Variants in SLC35F2 observed in about 807,000 individuals in gnomAD.
SLC35F2 encodes queuine/queuosine transporter SLC35F2.
Under a neutral mutation model 38.1 loss-of-function variants are expected in SLC35F2, and 25 were observed. The observed-to-expected ratio is 0.66, with a 90% CI of 0.48 to 0.92. The LOEUF (loss-of-function observed/expected upper bound fraction) is 0.92, where lower values mean the gene tolerates loss of function less well. Among genes scored for constraint, SLC35F2 ranks in the 40% least tolerant of loss-of-function variants. The pLI, the probability that SLC35F2 is intolerant of heterozygous loss-of-function variation, is 0.00. For missense variants in SLC35F2, 409 were observed against 452.9 expected (o/e 0.90, Z 0.88); for synonymous variants, 173 against 181.7 (o/e 0.95, Z 0.38).
chr11:107,826,460 T>C lies in SLC35F2; in HGVS notation c.111-10495A>G, dbSNP rs578186668. On this transcript the variant is annotated intron_variant, in intron 1 of 7. Coordinates refer to ENST00000525815, the MANE Select transcript of SLC35F2 (RefSeq NM_017515.5). ...GGTTTCTCCATGTTGGTCAGGCTGGTCTCGAACTCCTGACCTCAGGTGATC... is the reference window on the plus strand; with the variant it reads ...GGTTTCTCCATGTTGGTCAGGCTGGCCTCGAACTCCTGACCTCAGGTGATC... Among the ~76,000 whole-genome samples the C allele has an allele frequency of 2.0e-5, 3 of 152,258 alleles. No homozygotes were observed. The East Asian group carries it at 5.8e-4, about 29-fold the overall frequency.
chr11:107,792,918 TTTC>T, intron 7 of SLC35F2, 118 bp from the exon 8 acceptor site: 2 of 1,354,182 alleles, frequency 1.5e-6, no homozygotes, highest in Admixed American at 7.5e-5. Flanking sequence ...TCTTTCTTTC[TTTC>T]TTTCTTTCTT....
chr11:107,855,961 C>T (rs1318667524), intron 1 of SLC35F2, among the ~76,000 whole-genome samples: 3 of 151,132 alleles, frequency 2.0e-5, no homozygotes, highest in Admixed American at 6.6e-5. Context: ...AAAAATTAGC[C>T]GGGCATGGTG....
At chr11:107,820,481 T>C (rs1565433924) in intron 1 of SLC35F2, among the ~76,000 whole-genome samples, 1 of 152,080 alleles carries the variant, frequency 6.6e-6, no homozygotes, top group African/African-American at 2.4e-5. Context: ...CCAAATTTCC[T>C]GGCCATTAAA....
chr11:107,843,865 AAAAAT>A (rs1357076863), intron 1 of SLC35F2, among the ~76,000 whole-genome samples: 4 of 35,352 alleles, frequency 1.1e-4, no homozygotes, highest in South Asian at 1.2e-3. Flanking sequence ...AAAAAAAAAA[AAAAAT>A]ATATATATAT....
In SLC35F2 at chr11:107,815,835, AATAATTG is replaced by A; in HGVS notation, c.234_240del (p.Asn79AlafsTer5). ...ACTGTATAAATTAGGAACAGCAAGCAATAATTGATAAAGCTCTGAAGCATGGGGGTGT... is the reference window on the plus strand; with the variant it reads ...ACTGTATAAATTAGGAACAGCAAGCAATAAAGCTCTGAAGCATGGGGGTGT... On this transcript the variant is annotated frameshift_variant, in exon 2 of 8. Coordinates refer to ENST00000525815, the MANE Select transcript of SLC35F2 (RefSeq NM_017515.5). LOFTEE classifies it high-confidence loss of function. The A allele has an allele frequency of 6.2e-7, 1 of 1,613,854 alleles. No homozygotes were observed. Among genetic ancestry groups the A allele is most frequent in the Non-Finnish European group, 8.5e-7 (1 of 1,179,960 alleles).
Position 107,858,693 on chromosome 11 carries a change from G to T in SLC35F2, c.75C>A (p.Ser25Arg). The change falls in exon 1 of 8, where the codon AGC (serine) becomes AGA (arginine). Residue 25 changes from serine (S) to arginine (R), a missense_variant. Physicochemically the swap from Ser to Arg is moderately radical, Grantham distance 110. Transcript: ENST00000525815. ...LAEGAAAEFS[S>R]LLRRIKGKLF... ...GTTTGCCTTTTATCCTGCGCAGCAG[G>T]CTGGAGAACTCGGCCGCCGCTCCCT... 1 of 1,301,988 alleles carries T rather than the reference G, an allele frequency of 7.7e-7. No individual in the cohort carries two copies. The highest frequency in any genetic ancestry group is 9.8e-7 in the Non-Finnish European group (1 of 1,017,202). The allele number at this position is 1,301,988 out of a possible 1,614,324, so 80.7% of individuals were successfully genotyped here.
intron 1 of SLC35F2, among the ~76,000 whole-genome samples, chr11:107,844,157 CAGTG>C (rs1375775154): frequency 6.6e-6 from 1 of 152,020 alleles, no homozygotes; most frequent in Non-Finnish European, 1.5e-5. Flanking sequence ...CAGAAAGGTA[CAGTG>C]AGTAAGAGCA....
At chr11:107,829,677 C>CAAAAAAAAA in intron 1 of SLC35F2, among the ~76,000 whole-genome samples, 1 of 87,304 alleles carries the variant, frequency 1.1e-5, no homozygotes, top group Non-Finnish European at 2.6e-5. Flanking sequence ...TGAAATCTCA[C>CAAAAAAAAA]AAAAAAAAAA....
chr11:107,835,398 C>T (rs777962504), intron 1 of SLC35F2, among the ~76,000 whole-genome samples: 11 of 151,674 alleles, frequency 7.3e-5, no homozygotes, highest in South Asian at 4.2e-4. Context: ...GGAAATAGTC[C>T]GAACCTGGAA....
chr11:107,853,308 T>G (rs1860218445), intron 1 of SLC35F2, among the ~76,000 whole-genome samples: 1 of 152,164 alleles, frequency 6.6e-6, no homozygotes, highest in Non-Finnish European at 1.5e-5. Flanking sequence ...ATCATAACTT[T>G]TTATCATAAT....
chr11:107,805,577 C>G, intron 4 of SLC35F2, 62 bp from the exon 5 acceptor site: 1 of 1,549,194 alleles, frequency 6.5e-7, no homozygotes, highest in Middle Eastern at 1.7e-4. Context: ...CACAGCGTGC[C>G]TCCAGGCGGT....
chr11:107,823,047 A>G, intron 1 of SLC35F2: 3 of 568,654 alleles, frequency 5.3e-6, no homozygotes, highest in Non-Finnish European at 6.7e-6. Flanking sequence ...GCTCTTCTTT[A>G]TTTACTATTT....
At chr11:107,810,586 T>C (rs575463946) in intron 3 of SLC35F2, 3 of 985,358 alleles carry the variant, frequency 3.0e-6, no homozygotes, top group East Asian at 2.3e-4. Context: ...GGTTTAATTT[T>C]TACGAAACTT....
chr11:107,838,322 C>G lies in SLC35F2; in HGVS notation c.110+20336G>C, dbSNP rs533770462. On this transcript the variant is annotated intron_variant, in intron 1 of 7. Transcript: ENST00000525815. ...TACTAAGTACTTATATATGATGTTT[C>G]TTTTCGTTTCTTTTCTTTTGAGATG... is the stretch of plus-strand genomic sequence containing the variant. Among the ~76,000 whole-genome samples the G allele has an allele frequency of 7.2e-5, 11 of 152,104 alleles. No individual in the cohort carries two copies. In the South Asian group the frequency reaches 1.7e-3, roughly 23 times the overall value.
rs375005619 is a variant in SLC35F2 at position 107,833,942 on chromosome 11, G to A, written c.111-17977C>T. 5.3e-5 allele frequency among the ~76,000 whole-genome samples: 8 copies of A among 152,344 alleles called. No individual in the cohort carries two copies. In the East Asian group the frequency reaches 5.8e-4, roughly 11 times the overall value. ...AGACAAATGGTTACAAAAAAGCAAC[G>A]GAACCAGGTGTGGGGCTCTAAATCT... On this transcript the variant is annotated intron_variant, in intron 1 of 7. Coordinates refer to ENST00000525815, the MANE Select transcript of SLC35F2 (RefSeq NM_017515.5).
intron 1 of SLC35F2, among the ~76,000 whole-genome samples, chr11:107,821,839 G>C (rs1361399677): frequency 6.6e-6 from 1 of 152,186 alleles, no homozygotes; most frequent in Non-Finnish European, 1.5e-5. Flanking sequence ...GCAAACAAGA[G>C]TTATGGATCA....
chr11:107,811,353 T>C (rs1859476127), intron 3 of SLC35F2: 1 of 567,708 alleles, frequency 1.8e-6, no homozygotes, highest in East Asian at 1.5e-4. Flanking sequence ...TCATATGCCA[T>C]GTTTGAGCAG....
rs779976262 is a variant in SLC35F2, at chr11:107,844,309, T to C, written c.110+14349A>G. ...ATCTGTGAAATGGCACTAGCCATTA[T>C]AGTATTATAATACCTGCCGCAGAAA... On this transcript the variant is annotated intron_variant, in intron 1 of 7. Coordinates refer to ENST00000525815, the MANE Select transcript of SLC35F2 (RefSeq NM_017515.5). Among the ~76,000 whole-genome samples, 151 of 152,138 alleles carry C rather than the reference T, an allele frequency of 9.9e-4. 3 individuals are homozygous for C. Among genetic ancestry groups the C allele is most frequent in the Non-Finnish European group, 3.7e-4 (25 of 68,034 alleles).
chr11:107,844,553 CG>C (rs1461708309), intron 1 of SLC35F2, among the ~76,000 whole-genome samples: 1 of 151,262 alleles, frequency 6.6e-6, no homozygotes, highest in Non-Finnish European at 1.5e-5. Context: ...ACCCGGGAGG[CG>C]GAAGTTGCAG....
Sources: gnomAD v4.1 joint callset for allele counts (sites outside exome capture counted in the v4.1 genomes callset) on GRCh38, gnomAD v4.1.1 for gene constraint, MANE v1.5 for transcripts, NCBI Gene and HGNC (gene_info 2026-07-23, HGNC 2026-07-21) for gene names.